SCHIP1: variants seen among roughly 807,000 people sequenced by gnomAD.
SCHIP1 encodes the protein schwannomin-interacting protein 1.
Under a neutral mutation model 29.7 loss-of-function variants are expected in SCHIP1, and 8 were observed. That is an observed-to-expected ratio of 0.27 (90% CI 0.16 to 0.49). The LOEUF (loss-of-function observed/expected upper bound fraction) is 0.49, where lower values mean the gene tolerates loss of function less well. Among genes scored for constraint, SCHIP1 ranks in the 20% least tolerant of loss-of-function variants. The pLI is 0.99. For synonymous variants in SCHIP1, 76 were observed against 94.9 expected (o/e 0.80, Z 1.16); for missense variants, 193 against 294.6 (o/e 0.66, Z 2.52).
chr3:159,504,773 C>G, the SCHIP1 span, among the ~76,000 whole-genome samples: 1 of 151,994 alleles, frequency 6.6e-6, no homozygotes, highest in Non-Finnish European at 1.5e-5. Flanking sequence ...TACAAGGAAC[C>G]CATTAGTGCT....
At chr3:159,530,689 T>C in the SCHIP1 span, among the ~76,000 whole-genome samples, 4 of 152,164 alleles carry the variant, frequency 2.6e-5, no homozygotes, top group Non-Finnish European at 5.9e-5. Flanking sequence ...GCAGAAGATG[T>C]TAACAGACAA....
At chr3:159,875,030 A>AC (rs1715654702) in intron 2 of SCHIP1, among the ~76,000 whole-genome samples, 1 of 149,776 alleles carries the variant, frequency 6.7e-6, no homozygotes, top group African/African-American at 2.4e-5. Context: ...AAAAAAAAAA[A>AC]AACAAAAACT....
At chr3:159,525,590 T>C in the SCHIP1 span, among the ~76,000 whole-genome samples, 3,136 of 152,324 alleles carry the variant, frequency 0.021, 73 homozygotes, top group Non-Finnish European at 0.029. Context: ...GAGAGCACCA[T>C]TCAGCTAAAA....
chr3:159,571,610 G>A, the SCHIP1 span, among the ~76,000 whole-genome samples: 1 of 152,138 alleles, frequency 6.6e-6, no homozygotes, highest in Non-Finnish European at 1.5e-5. Flanking sequence ...GTCTCTGCCA[G>A]GCTTTGGTAT....
the SCHIP1 span, among the ~76,000 whole-genome samples, chr3:159,308,013 T>C: frequency 6.6e-6 from 1 of 152,184 alleles, no homozygotes; most frequent in African/African-American, 2.4e-5. Context: ...GGTAGTGTGA[T>C]GCCTCCAGTT....
upstream of SCHIP1, chr3:159,839,831 C>G: frequency 8.1e-7 from 1 of 1,230,876 alleles, no homozygotes; most frequent in Non-Finnish European, 1.0e-6. Context: ...CATAAAGCAC[C>G]AGAAGGTCAC....
chr3:159,456,952 A>G, the SCHIP1 span, among the ~76,000 whole-genome samples: 1 of 152,198 alleles, frequency 6.6e-6, no homozygotes, highest in Non-Finnish European at 1.5e-5. Context: ...TTGTGTTCAC[A>G]TGGTGTGTAT....
chr3:159,546,253 G>A, the SCHIP1 span, among the ~76,000 whole-genome samples: 8 of 151,894 alleles, frequency 5.3e-5, no homozygotes, highest in East Asian at 9.6e-4. Flanking sequence ...ATATTGAATC[G>A]AGTGGCAATG....
chr3:159,535,533 C>A, the SCHIP1 span, among the ~76,000 whole-genome samples: 2 of 152,170 alleles, frequency 1.3e-5, no homozygotes, highest in Non-Finnish European at 2.9e-5. Context: ...CTGTCTTGTA[C>A]CTTGCTTCTC....
At chr3:159,866,013 C>T in intron 1 of SCHIP1, 150 bp from the exon 3 acceptor site, 3 of 676,346 alleles carry the variant, frequency 4.4e-6, no homozygotes, top group Non-Finnish European at 7.4e-6. Context: ...AAAATTTCAG[C>T]TTTTAATAAT....
the SCHIP1 span, among the ~76,000 whole-genome samples, chr3:159,595,921 G>A: frequency 6.6e-6 from 1 of 152,226 alleles, no homozygotes; most frequent in East Asian, 1.9e-4. Flanking sequence ...AACACCAAAA[G>A]CAATGGCAAC....
At chr3:159,508,650 A>G in the SCHIP1 span, among the ~76,000 whole-genome samples, 12 of 152,154 alleles carry the variant, frequency 7.9e-5, no homozygotes, top group Non-Finnish European at 1.6e-4. Flanking sequence ...TATGTTCCAG[A>G]GATTCTGGTA....
the SCHIP1 span, among the ~76,000 whole-genome samples, chr3:159,794,117 A>G: frequency 1.3e-5 from 2 of 152,222 alleles, no homozygotes; most frequent in East Asian, 1.9e-4. Flanking sequence ...GGGGATCAGA[A>G]CATAAACATA....
the SCHIP1 span, among the ~76,000 whole-genome samples, chr3:159,535,359 T>C: frequency 3.3e-5 from 5 of 152,282 alleles, no homozygotes; most frequent in South Asian, 1.0e-3. Context: ...GTCACTATCC[T>C]AATCCTGGAA....
the SCHIP1 span, among the ~76,000 whole-genome samples, chr3:159,569,782 C>G: frequency 7.9e-5 from 12 of 152,200 alleles, no homozygotes; most frequent in Non-Finnish European, 1.8e-4. Context: ...TACACTCCCA[C>G]CAACAATTAA....
At chr3:159,276,450 G>A in the SCHIP1 span, among the ~76,000 whole-genome samples, 2 of 152,106 alleles carry the variant, frequency 1.3e-5, no homozygotes, top group Non-Finnish European at 2.9e-5. Flanking sequence ...AGGTACCCTA[G>A]CATCCCAGAG....
At chr3:159,729,413 C>T in the SCHIP1 span, among the ~76,000 whole-genome samples, 2 of 151,890 alleles carry the variant, frequency 1.3e-5, no homozygotes, top group South Asian at 4.2e-4. Flanking sequence ...AAGGATGAGC[C>T]AAAGTGATAA....
At chr3:159,282,903 T>C in the SCHIP1 span, among the ~76,000 whole-genome samples, 1 of 151,822 alleles carries the variant, frequency 6.6e-6, no homozygotes, top group Non-Finnish European at 1.5e-5. Context: ...ACTTCATATA[T>C]TTTCATGTTC....
chr3:159,523,522 G>A, the SCHIP1 span, among the ~76,000 whole-genome samples: 3 of 152,220 alleles, frequency 2.0e-5, no homozygotes, highest in Non-Finnish European at 2.9e-5. Context: ...AATAGGGAAA[G>A]AGGAATCGAT....
Sources: allele counts gnomAD v4.1 joint callset (sites outside exome capture counted in the v4.1 genomes callset), GRCh38; gene constraint gnomAD v4.1.1; transcripts MANE v1.5; gene names NCBI Gene and HGNC (gene_info 2026-07-23, HGNC 2026-07-21).